NUGGC: variants seen among roughly 807,000 people sequenced by gnomAD.
NUGGC encodes the protein nuclear GTPase, germinal center associated, also known as nuclear GTPase SLIP-GC.
In NUGGC, 58 loss-of-function variants were observed where a neutral mutation model predicts 92.6. The ratio of observed to expected loss-of-function variants is 0.63; its 90% CI spans 0.51 to 0.78. The LOEUF is 0.78. Ranked by LOEUF, NUGGC falls within the 30% of genes least tolerant of loss-of-function variation. The pLI is 0.00. For synonymous variants in NUGGC, 376 were observed against 366.4 expected, an observed-to-expected ratio of 1.03 and a Z score of -0.30; for missense variants, 925 against 964.6, an observed-to-expected ratio of 0.96 and a Z score of 0.54.
intron 2 of NUGGC, among the ~76,000 whole-genome samples, chr8:28,071,669 T>A (rs1388897957): frequency 6.6e-6 from 1 of 152,170 alleles, no homozygotes; most frequent in Non-Finnish European, 1.5e-5. Context: ...AGAAGGGGTA[T>A]AACCAAAATG....
At chr8:28,069,862 G>A in intron 3 of NUGGC, 1 of 579,030 alleles carries the variant, frequency 1.7e-6, no homozygotes, top group South Asian at 2.2e-5. Context: ...AAAGAGCCAG[G>A]CTGCTCTGAA....
chr8:28,083,744 C>A (rs1440491731), intron 1 of NUGGC, 31 bp downstream of exon 1: 3 of 148,078 alleles, frequency 2.0e-5, no homozygotes, highest in African/African-American at 5.0e-5. Flanking sequence ...CCACAAGTTA[C>A]AGTACAAATT....
At chr8:28,045,106 T>G (rs1489621472) in intron 12 of NUGGC, among the ~76,000 whole-genome samples, 1 of 152,250 alleles carries the variant, frequency 6.6e-6, no homozygotes, top group Non-Finnish European at 1.5e-5. Flanking sequence ...TGTGCTCTTC[T>G]GAGCTTGAGA....
chr8:28,075,105 A>G (rs1051610598), intron 1 of NUGGC, among the ~76,000 whole-genome samples: 1 of 152,192 alleles, frequency 6.6e-6, no homozygotes, highest in African/African-American at 2.4e-5. Context: ...ACCCTGAGCC[A>G]GTGCTATTTA....
intron 13 of NUGGC, 50 bp downstream of exon 13, chr8:28,041,001 T>C (rs1391435598): frequency 6.6e-7 from 1 of 1,515,740 alleles, no homozygotes; most frequent in South Asian, 1.2e-5. Flanking sequence ...AGCTTGGGGA[T>C]CGGGCAGGCC....
chr8:28,038,366 G>T (rs982564258), intron 13 of NUGGC, among the ~76,000 whole-genome samples: 1 of 152,154 alleles, frequency 6.6e-6, no homozygotes, highest in Non-Finnish European at 1.5e-5. Context: ...AAAAACAGTT[G>T]ATTTGTTATA....
chr8:28,050,921 T>C (rs1217597946), intron 10 of NUGGC, among the ~76,000 whole-genome samples: 3 of 152,228 alleles, frequency 2.0e-5, no homozygotes, highest in Admixed American at 6.5e-5. Flanking sequence ...ATGAAAATTA[T>C]GTTGCAGTGA....
chr8:28,032,232 T>C (rs186935346), intron 14 of NUGGC, among the ~76,000 whole-genome samples: 97 of 151,886 alleles, frequency 6.4e-4, no homozygotes, highest in Middle Eastern at 6.8e-3. Context: ...ATCGATGGAA[T>C]GGCATAATCC....
At position 28,059,115 on chromosome 8, in the gene NUGGC, C is replaced by G. The variant is rs80305945; in HGVS notation, c.1098-839G>C. Among the ~76,000 whole-genome samples the G allele has an allele frequency of 7.1e-3, 1,088 of 152,206 alleles. 8 individuals carry two copies. Among genetic ancestry groups the G allele is most frequent in the Non-Finnish European group, 0.01 (683 of 68,024 alleles). ...AAAAAAATGAAGCTGCAATTCCAAC[C>G]CAGACCATGACAGCAAGGGAATTCC... On this transcript the variant is annotated intron_variant, in intron 8 of 18. Coordinates refer to ENST00000413272, the MANE Select transcript of NUGGC (RefSeq NM_001010906.2).
chr8:28,041,188 G>T lies in NUGGC; in HGVS notation c.1474C>A (p.Arg492=), dbSNP rs2305453. The change falls in exon 13 of 19, where the codon CGG becomes AGG. Residue 492 remains arginine, a synonymous_variant. Transcript: ENST00000413272. The stretch of plus-strand genomic sequence containing the variant: ...TCAACCTTCTCTTCCGCAAATCTCC[G>T]CAGGACACTCATGTGCAAGTGTTCA... ...PNEHLHMSVL[R]RFAEEKVELL... is the part of the protein sequence containing the mutation. 1.2e-6 allele frequency: 2 copies of T among 1,611,098 alleles called. No homozygotes were observed. Among genetic ancestry groups the T allele is most frequent in the Middle Eastern group, 1.7e-4 (1 of 6,060 alleles).
At chr8:28,061,528 A>G (rs1810305104) in intron 7 of NUGGC, among the ~76,000 whole-genome samples, 1 of 152,186 alleles carries the variant, frequency 6.6e-6, no homozygotes, top group African/African-American at 2.4e-5. Flanking sequence ...TTTGCTTTAT[A>G]CCAGTAGTTT....
chr8:28,079,928 G>GT (rs887208145), intron 1 of NUGGC, among the ~76,000 whole-genome samples: 19 of 106,756 alleles, frequency 1.8e-4, no homozygotes, highest in African/African-American at 5.8e-4. Flanking sequence ...GTTGTTCTTT[G>GT]TTTTTTTGTT....
chr8:28,029,340 C>T lies in NUGGC; in HGVS notation c.2080G>A (p.Val694Met), dbSNP rs1334353037. 1 of 1,612,022 alleles carries T rather than the reference C, an allele frequency of 6.2e-7. No homozygotes were observed. Among genetic ancestry groups the T allele is most frequent in the African/African-American group, 1.3e-5 (1 of 74,900 alleles). ...ATGCCCTCAGCCACCTGCCGGTCCA[C>T]TCCTCTTCTGATGGCATCTTTCATC... ...ERMKDAIRRG[V>M]DRQVAEGMFE... Residue 694 changes from valine (V) to methionine (M), a missense_variant, in exon 17 of 19, where the codon GTG (valine) becomes ATG (methionine). Coordinates refer to ENST00000413272, the MANE Select transcript of NUGGC (RefSeq NM_001010906.2).
intron 8 of NUGGC, among the ~76,000 whole-genome samples, chr8:28,060,109 C>T (rs1163935684): frequency 2.6e-5 from 4 of 152,058 alleles, no homozygotes; most frequent in African/African-American, 9.7e-5. Flanking sequence ...ATCTGTGGAG[C>T]AGGTGGGATC....
chr8:28,060,213 AG>A (rs1420052231), intron 8 of NUGGC: 6 of 671,054 alleles, frequency 8.9e-6, no homozygotes, highest in Non-Finnish European at 1.6e-5. Context: ...CTTGGCACTA[AG>A]CAGCTACCCT....
At chr8:28,043,014 G>A (rs570300583) in intron 12 of NUGGC, among the ~76,000 whole-genome samples, 4 of 152,130 alleles carry the variant, frequency 2.6e-5, no homozygotes, top group Non-Finnish European at 5.9e-5. Context: ...GGTGCACCCC[G>A]GGAATTTCCC....
At position 28,029,476 on chromosome 8, in the gene NUGGC, T is replaced by C; in HGVS notation, c.2018-74A>G. 4.5e-6 allele frequency: 7 copies of C among 1,547,594 alleles called. No individual in the cohort carries two copies. The South Asian group carries it at 8.2e-5, about 18-fold the overall frequency. On this transcript the variant is annotated intron_variant, in intron 16 of 18. Transcript: ENST00000413272. Reference sequence around the variant, plus strand: ...AAATCTTTGGCACCATGGCCGGGCATGGTGGCTCACACCTGTAATCCCAGC... The same window carrying C: ...AAATCTTTGGCACCATGGCCGGGCACGGTGGCTCACACCTGTAATCCCAGC...
chr8:28,044,213 T>C (rs550305592), intron 12 of NUGGC, among the ~76,000 whole-genome samples: 83 of 152,312 alleles, frequency 5.4e-4, no homozygotes, highest in African/African-American at 1.9e-3. Context: ...GCCCTATTCA[T>C]GTACTTCCTC....
At chr8:28,025,069 C>T (rs1809222762) in intron 18 of NUGGC, among the ~76,000 whole-genome samples, 1 of 152,208 alleles carries the variant, frequency 6.6e-6, no homozygotes, top group Admixed American at 6.5e-5. Flanking sequence ...GCCTGCCTTC[C>T]ACCCACTGGG....
Sources: gnomAD v4.1 joint callset for allele counts (sites outside exome capture counted in the v4.1 genomes callset) on GRCh38, gnomAD v4.1.1 for gene constraint, MANE v1.5 for transcripts, NCBI Gene and HGNC (gene_info 2026-07-23, HGNC 2026-07-21) for gene names.